The following NRSN1 variants were observed in gnomAD, a reference collection of about 807,000 sequenced individuals.
NRSN1 encodes the protein neurensin 1.
A neutral mutation model predicts 17.3 loss-of-function variants in NRSN1; 14 were observed. The observed-to-expected ratio is 0.81, with a 90% CI of 0.54 to 1.27. The LOEUF (loss-of-function observed/expected upper bound fraction) is 1.27. NRSN1 is among the 50% of genes most tolerant of loss of function. The pLI is 0.00. For missense variants in NRSN1, 209 were observed against 235.9 expected (o/e 0.89, Z 0.75); for synonymous variants, 79 against 94.2 (o/e 0.84, Z 0.93).
intron 3 of NRSN1, among the ~76,000 whole-genome samples, chr6:24,142,180 A>G (rs1264392318): frequency 8.7e-6 from 1 of 115,596 alleles, no homozygotes; most frequent in Non-Finnish European, 1.9e-5. Context: ...CTTATGTCTT[A>G]TACAGAACAG....
rs1760294765 is a variant in NRSN1, at chr6:24,145,817, GT to G, written c.462del (p.Phe154LeufsTer53). 3.1e-6 allele frequency: 5 copies of G among 1,614,080 alleles called. No individual in the cohort carries two copies. The highest frequency in any genetic ancestry group is 1.3e-5 in the African/African-American group (1 of 74,938). ...AAGAAGAAAAATTCCTCCAGCAGAA[GT>G]TTAAAGAACGAATCGCAGACATCAA... is the stretch of plus-strand genomic sequence containing the variant. Reference protein sequence around the residue: ...SKEEKFLQQKFKERIADIKAH... With the variant: ...SKEEKFLQQKXKERIADIKAH... On this transcript the variant is annotated frameshift_variant, in exon 4 of 4. Coordinates refer to ENST00000378491, the MANE Select transcript of NRSN1 (RefSeq NM_080723.5). LOFTEE classifies it high-confidence loss of function. This position sits in a 1 kb window ranked among gnomAD's most constrained non-coding sequence, Gnocchi z 4.4.
Position 24,146,038 on chromosome 6 carries a change from C to T in NRSN1, c.*92C>T. 7.7e-7 allele frequency: 1 copy of T among 1,291,590 alleles called. No homozygotes were observed. The highest frequency in any genetic ancestry group is 1.1e-6 in the Non-Finnish European group (1 of 902,616). The allele number at this position is 1,291,590 out of a possible 1,614,324, so 80.0% of individuals were successfully genotyped here. A position where few individuals can be genotyped will look rare whatever the true frequency, so the allele number is the denominator to read the frequency against. On this transcript the variant is annotated 3_prime_UTR_variant, in exon 4 of 4. Coordinates refer to ENST00000378491, the MANE Select transcript of NRSN1 (RefSeq NM_080723.5). ...CGAGATAAAGAAGATTTGGCGTTGA[C>T]TGCCCTAGGGCTGTGTTCAGCTGTG...
intron 2 of NRSN1, among the ~76,000 whole-genome samples, chr6:24,131,015 G>A (rs2113711528): frequency 6.6e-6 from 1 of 152,232 alleles, no homozygotes; most frequent in Non-Finnish European, 1.5e-5. Context: ...GCCCCGTTTA[G>A]GTAGCACAAA....
rs75679860 is a variant in NRSN1 at position 24,142,212 on chromosome 6, T to C, written c.190-3336T>C. 1.3e-3 allele frequency among the ~76,000 whole-genome samples: 177 copies of C among 134,528 alleles called. 5 individuals are homozygous for C. The highest frequency in any genetic ancestry group is 4.3e-3 in the Middle Eastern group (1 of 230). The allele number at this position is 134,528 out of a possible 152,430, so 88.3% of individuals were successfully genotyped here. On this transcript the variant is annotated intron_variant, in intron 3 of 3. Transcript: ENST00000378491. ...ACAGCTTTTTTTTTTTTTTTTTTTT[T>C]TTCAGAAGACATCCTATTGACTCTT... is the stretch of plus-strand genomic sequence containing the variant.
chr6:24,126,881 G>C lies in NRSN1; in HGVS notation c.-83+541G>C, dbSNP rs558812511. On this transcript the variant is annotated intron_variant, in intron 1 of 3. Transcript: ENST00000378491. ...GGTGGGGGTCAGACAGAGTCTGGAG[G>C]CCTCAAAGAAAACAGAGCTGGAATT... Among the ~76,000 whole-genome samples the C allele has an allele frequency of 8.5e-5, 13 of 152,252 alleles. No homozygotes were observed. In the South Asian group the frequency reaches 2.5e-3, roughly 29 times the overall value.
At chr6:24,143,532 C>G (rs1021433500) in intron 3 of NRSN1, among the ~76,000 whole-genome samples, 7 of 152,086 alleles carry the variant, frequency 4.6e-5, no homozygotes, top group African/African-American at 1.7e-4. Context: ...AGTATATTAT[C>G]TCAAAAATTT....
chr6:24,127,011 G>A (rs1300240360), intron 1 of NRSN1, among the ~76,000 whole-genome samples: 6 of 152,136 alleles, frequency 3.9e-5, no homozygotes. Flanking sequence ...TTTGGTGAAG[G>A]GCATGTGGGG....
In NRSN1 at chr6:24,134,505, G is replaced by C; in HGVS notation, c.178G>C (p.Val60Leu). The C allele has an allele frequency of 6.2e-7, 1 of 1,613,916 alleles. No individual in the cohort carries two copies. The highest frequency in any genetic ancestry group is 1.1e-5 in the South Asian group (1 of 91,062). Residue 60 changes from valine (V) to leucine (L), a missense_variant, in exon 3 of 4, where the codon GTA (valine) becomes CTA (leucine). By Grantham distance (32) the Val-to-Leu change is conservative. Coordinates refer to ENST00000378491, the MANE Select transcript of NRSN1 (RefSeq NM_080723.5). ...AAGATCACCTAACAGGTGGAGCTCA[G>C]TATTCTGGAAGGTAAGGAAGGAGCA... is the stretch of plus-strand genomic sequence containing the variant. The part of the protein sequence containing the change: ...IQRSPNRWSS[V>L]FWKVGLISGT...
intron 2 of NRSN1, among the ~76,000 whole-genome samples, chr6:24,132,628 T>C (rs887577930): frequency 6.6e-6 from 1 of 152,232 alleles, no homozygotes. Flanking sequence ...GTGGCAGCTA[T>C]ATTGTGGACT....
At chr6:24,133,683 G>T (rs1300224858) in intron 2 of NRSN1, among the ~76,000 whole-genome samples, 4 of 152,178 alleles carry the variant, frequency 2.6e-5, no homozygotes, top group Non-Finnish European at 4.4e-5. Context: ...CATTTCTTGT[G>T]TGCTTCATGC....
intron 2 of NRSN1, among the ~76,000 whole-genome samples, chr6:24,131,960 G>A (rs1182093991): frequency 6.6e-6 from 1 of 151,632 alleles, no homozygotes; most frequent in Admixed American, 6.6e-5. Flanking sequence ...GTGCAGGTGT[G>A]GGTGTGTATG....
rs186844837 is a variant in NRSN1, at chr6:24,129,603, T to C, written c.-10+1403T>C. 4.6e-5 allele frequency: 7 copies of C among 152,298 alleles called. 1 individual carries two copies. The East Asian group carries it at 1.2e-3, about 25-fold the overall frequency. The allele number at this position is 152,298 out of a possible 1,614,324, so 9.4% of individuals were successfully genotyped here. ...GGGATAGAAAGTAATGGAACGCTGA[T>C]ATTTAGATATATTGATTATAGAAAG... On this transcript the variant is annotated intron_variant, in intron 2 of 3. Coordinates refer to ENST00000378491, the MANE Select transcript of NRSN1 (RefSeq NM_080723.5).
intron 3 of NRSN1, among the ~76,000 whole-genome samples, chr6:24,138,092 C>T (rs1760144371): frequency 6.6e-6 from 1 of 152,112 alleles, no homozygotes; most frequent in African/African-American, 2.4e-5. Context: ...TTCTCCGTAA[C>T]ATTTCAGCTT....
intron 2 of NRSN1, among the ~76,000 whole-genome samples, chr6:24,131,649 C>A (rs1436754821): frequency 6.6e-6 from 1 of 152,080 alleles, no homozygotes; most frequent in African/African-American, 2.4e-5. Flanking sequence ...GTAATACCAA[C>A]CCCATCTCAC....
chr6:24,126,685 A>G (rs1759953543), intron 1 of NRSN1, among the ~76,000 whole-genome samples: 1 of 152,124 alleles, frequency 6.6e-6, no homozygotes, highest in African/African-American at 2.4e-5. Context: ...AAAGTTGTGT[A>G]TTAGGAAAGA....
intron 3 of NRSN1, among the ~76,000 whole-genome samples, chr6:24,135,538 A>G (rs1561866331): frequency 2.0e-5 from 3 of 152,338 alleles, no homozygotes; most frequent in East Asian, 3.9e-4. Context: ...TTGGGTTTTT[A>G]CTTCGAGAGA....
At chr6:24,139,101 C>T (rs1760159884) in intron 3 of NRSN1, among the ~76,000 whole-genome samples, 1 of 152,174 alleles carries the variant, frequency 6.6e-6, no homozygotes, top group South Asian at 2.1e-4. Flanking sequence ...ATCTTTTAAA[C>T]AAAATCTTCC....
chr6:24,128,524 C>T (rs1478617862), intron 2 of NRSN1, among the ~76,000 whole-genome samples: 2 of 152,188 alleles, frequency 1.3e-5, no homozygotes, highest in South Asian at 4.1e-4. Flanking sequence ...GGTAGGAACA[C>T]GGTTCAGGAT....
At position 24,146,174 on chromosome 6, in the gene NRSN1, C is replaced by T. The variant is rs1191417897; in HGVS notation, c.*228C>T. On this transcript the variant is annotated 3_prime_UTR_variant, in exon 4 of 4. Coordinates refer to ENST00000378491, the MANE Select transcript of NRSN1 (RefSeq NM_080723.5). ...TCCAGCTGCTTAAGATGGGTGCTTC[C>T]TTGTACCCGGCCACCAGAAAACCCC... is the stretch of plus-strand genomic sequence containing the variant. 1.4e-6 allele frequency: 1 copy of T among 704,234 alleles called. No homozygotes were observed. Among genetic ancestry groups the T allele is most frequent in the East Asian group, 2.8e-5 (1 of 36,294 alleles). 43.6% of individuals were successfully genotyped at this position (704,234 alleles called of 1,614,324 possible).
Sources: gnomAD v4.1 joint callset for allele counts (sites outside exome capture counted in the v4.1 genomes callset) on GRCh38, gnomAD v4.1.1 for gene constraint, Gnocchi (gnomAD v3.1) non-coding constraint, MANE v1.5 for transcripts, NCBI Gene and HGNC (gene_info 2026-07-23, HGNC 2026-07-21) for gene names.